Variants in NFYC observed in about 807,000 individuals in gnomAD.
NFYC encodes the protein CAAT box DNA-binding protein subunit C.
Under a neutral mutation model 53.1 loss-of-function variants are expected in NFYC, and 25 were observed. The ratio of observed to expected loss-of-function variants is 0.47; its 90% CI spans 0.34 to 0.66. The LOEUF (loss-of-function observed/expected upper bound fraction) is 0.66, where lower values mean the gene tolerates loss of function less well. Among genes scored for constraint, NFYC ranks in the 30% least tolerant of loss-of-function variants. The probability of loss-of-function intolerance (pLI) is 0.01; values close to 1 mark genes in which losing one functional copy is unlikely to be tolerated. For synonymous variants in NFYC, 145 were observed against 152.6 expected (o/e 0.95, Z 0.37); for missense variants, 260 against 422.7 (o/e 0.62, Z 3.38).
At chr1:40,713,881 A>G (rs1310033633) in intron 1 of NFYC, among the ~76,000 whole-genome samples, 1 of 152,222 alleles carries the variant, frequency 6.6e-6, no homozygotes, top group Non-Finnish European at 1.5e-5. Context: ...TGTGCCATGG[A>G]AGAGGTTCAG....
intron 4 of NFYC, among the ~76,000 whole-genome samples, chr1:40,750,954 A>G (rs893308453): frequency 1.2e-4 from 18 of 152,344 alleles, no homozygotes; most frequent in Admixed American, 1.1e-3. Flanking sequence ...GTCAGAATCT[A>G]AAGTGGTCAG....
chr1:40,728,296 G>A (rs980749647), intron 1 of NFYC, among the ~76,000 whole-genome samples: 1 of 152,096 alleles, frequency 6.6e-6, no homozygotes, highest in African/African-American at 2.4e-5. Flanking sequence ...GTGTTAGCAG[G>A]TGTTAAAATA....
At chr1:40,737,198 T>TA (rs1268248927) in intron 1 of NFYC, among the ~76,000 whole-genome samples, 1 of 151,170 alleles carries the variant, frequency 6.6e-6, no homozygotes, top group African/African-American at 2.4e-5. Flanking sequence ...GAATTTCAGA[T>TA]AAGGGATACT....
intron 5 of NFYC, 106 bp from the exon 6 acceptor site, chr1:40,758,015 C>A: frequency 1.6e-6 from 2 of 1,237,240 alleles, no homozygotes; most frequent in Non-Finnish European, 2.3e-6. Context: ...GCTCAGCATT[C>A]AGCAGGCAAC....
At chr1:40,736,770 G>C (rs954208148) in intron 1 of NFYC, among the ~76,000 whole-genome samples, 4 of 136,682 alleles carry the variant, frequency 2.9e-5, no homozygotes, top group African/African-American at 1.1e-4. Context: ...TTCGATTTTG[G>C]ATTTTCAGAT....
intron 8 of NFYC, among the ~76,000 whole-genome samples, chr1:40,768,456 G>A (rs1010172812): frequency 6.6e-6 from 1 of 152,198 alleles, no homozygotes; most frequent in African/African-American, 2.4e-5. Flanking sequence ...TCATGGGTAG[G>A]CCTGCAGGGG....
At position 40,718,350 on chromosome 1, in the gene NFYC, A is replaced by G. The variant is rs538604651; in HGVS notation, c.-8-20486A>G. ...CAAAGGCTTTTGCTCTTTATACTGC[A>G]CTTTCTTACCATATATGAAAAACAG... is the stretch of plus-strand genomic sequence containing the variant. On this transcript the variant is annotated intron_variant, in intron 1 of 9. Transcript: ENST00000447388. Among the ~76,000 whole-genome samples, 7 of 152,298 alleles carry G rather than the reference A, an allele frequency of 4.6e-5. No individual in the cohort carries two copies. In the East Asian group the frequency reaches 1.3e-3, roughly 29 times the overall value.
At chr1:40,753,736 C>G (rs1031647453) in intron 5 of NFYC, among the ~76,000 whole-genome samples, 6 of 152,130 alleles carry the variant, frequency 3.9e-5, no homozygotes. Context: ...TATCAGCGCC[C>G]AGGCTCTAAC....
chr1:40,750,303 A>C (rs1011259161), intron 4 of NFYC, among the ~76,000 whole-genome samples: 3 of 152,364 alleles, frequency 2.0e-5, no homozygotes, highest in East Asian at 1.9e-4. Context: ...GAGTGTAACA[A>C]GTATAAAACA....
intron 2 of NFYC, among the ~76,000 whole-genome samples, chr1:40,739,681 A>T (rs529707046): frequency 1.1e-4 from 16 of 152,348 alleles, no homozygotes; most frequent in African/African-American, 3.8e-4. Flanking sequence ...AATTACAACC[A>T]GAATAATTTA....
intron 1 of NFYC, among the ~76,000 whole-genome samples, chr1:40,720,121 G>A (rs1282467578): frequency 6.6e-6 from 1 of 152,110 alleles, no homozygotes. Context: ...TGGAAGATTT[G>A]TCTCATTTCA....
chr1:40,729,300 C>T (rs74856232), intron 1 of NFYC, among the ~76,000 whole-genome samples: 3,591 of 152,308 alleles, frequency 0.024, 140 homozygotes, highest in African/African-American at 0.082. Flanking sequence ...GCTAGATCTT[C>T]GGGATAAAAC....
rs1645191512 is a variant in NFYC at position 40,738,848 on chromosome 1, C to G, written c.5C>G (p.Ser2Cys). ...TGTTTATTTTCAGTTGTCGAGATGT[C>G]CACAGAAGGAGGATTTGGTGGTACT... M[S>C]TEGGFGGTSS... The change falls in exon 2 of 10, where the codon TCC becomes TGC. Residue 2 changes from serine to cysteine, a missense_variant. Physicochemically the swap from Ser to Cys is moderately radical, Grantham distance 112. Coordinates refer to ENST00000447388, the MANE Select transcript of NFYC (RefSeq NM_014223.5). 1 of 1,613,552 alleles carries G rather than the reference C, an allele frequency of 6.2e-7. No individual in the cohort carries two copies. Among genetic ancestry groups the G allele is most frequent in the African/African-American group, 1.3e-5 (1 of 75,040 alleles).
In NFYC at chr1:40,692,143, G is replaced by A. The variant is rs376553486; in HGVS notation, c.-9+276G>A. 14 of 189,302 alleles carry A rather than the reference G, an allele frequency of 7.4e-5. 1 individual carries two copies. Among genetic ancestry groups the A allele is most frequent in the South Asian group, 1.7e-4 (3 of 17,294 alleles). 11.7% of individuals were successfully genotyped at this position (189,302 alleles called of 1,614,324 possible). A position where few individuals can be genotyped will look rare whatever the true frequency, so the allele number is the denominator to read the frequency against. ...GGGGGGGCTCGCTCGTGATTGGTCGGTGGCGGGGAGGCCGCGGACCTGGCA... is the reference window on the plus strand; with the variant it reads ...GGGGGGGCTCGCTCGTGATTGGTCGATGGCGGGGAGGCCGCGGACCTGGCA... On this transcript the variant is annotated intron_variant, in intron 1 of 9. Coordinates refer to ENST00000447388, the MANE Select transcript of NFYC (RefSeq NM_014223.5).
chr1:40,731,976 C>T (rs1420596313), intron 1 of NFYC, among the ~76,000 whole-genome samples: 2 of 152,110 alleles, frequency 1.3e-5, no homozygotes, highest in Admixed American at 1.3e-4. Context: ...ATATGTTTGG[C>T]TTAAGTTGCG....
intron 1 of NFYC, chr1:40,723,274 G>A (rs1056101600): frequency 1.3e-5 from 2 of 152,182 alleles, no homozygotes; most frequent in African/African-American, 2.4e-5. Flanking sequence ...GAAGGCACCC[G>A]GTAAGAAAAT....
intron 1 of NFYC, among the ~76,000 whole-genome samples, chr1:40,703,539 C>G (rs904829515): frequency 6.8e-6 from 1 of 148,092 alleles, no homozygotes; most frequent in South Asian, 2.1e-4. Context: ...CCTACATGGC[C>G]CTCTTCAGTT....
chr1:40,702,656 C>G (rs1201567016), intron 1 of NFYC, among the ~76,000 whole-genome samples: 2 of 151,680 alleles, frequency 1.3e-5, no homozygotes, highest in South Asian at 2.1e-4. Flanking sequence ...TTCAGAACTT[C>G]TATCAGATTA....
chr1:40,721,222 C>T (rs1303375596), intron 1 of NFYC, among the ~76,000 whole-genome samples: 3 of 152,172 alleles, frequency 2.0e-5, no homozygotes, highest in Non-Finnish European at 1.5e-5. Context: ...TACATTTGTA[C>T]TGTAAAGGCA....
Sources: allele counts gnomAD v4.1 joint callset (sites outside exome capture counted in the v4.1 genomes callset), GRCh38; gene constraint gnomAD v4.1.1; transcripts MANE v1.5; gene names NCBI Gene and HGNC (gene_info 2026-07-23, HGNC 2026-07-21).